TF: variants seen among roughly 807,000 people sequenced by gnomAD.
TF encodes transferrin.
TF carries 55 observed loss-of-function variants against 82.4 expected under a neutral mutation model. That is an observed-to-expected ratio of 0.67 (90% confidence interval 0.54 to 0.84). The LOEUF (loss-of-function observed/expected upper bound fraction) is 0.84. Among genes scored for constraint, TF ranks in the 40% least tolerant of loss-of-function variants. The pLI, the probability that TF is intolerant of heterozygous loss-of-function variation, is 0.00. For synonymous variants in TF, 332 were observed against 332.6 expected (o/e 1.00, Z 0.02); for missense variants, 737 against 868.4 (o/e 0.85, Z 1.90).
the TF span, among the ~76,000 whole-genome samples, chr3:133,664,202 C>T: frequency 1.3e-5 from 2 of 152,302 alleles, no homozygotes; most frequent in East Asian, 3.9e-4. Context: ...AACAGCAGTC[C>T]TTCAGGAAAG....
At chr3:133,689,215 C>T in the TF span, among the ~76,000 whole-genome samples, 4 of 152,056 alleles carry the variant, frequency 2.6e-5, no homozygotes, top group Non-Finnish European at 1.5e-5. Context: ...CACCTGTAGT[C>T]CCAGCTACTT....
chr3:133,736,784 A>T, the TF span, among the ~76,000 whole-genome samples: 41 of 152,272 alleles, frequency 2.7e-4, no homozygotes, highest in East Asian at 6.9e-3. Flanking sequence ...CTAAATATAT[A>T]TGCACCCAAT....
At chr3:133,738,276 A>C in the TF span, among the ~76,000 whole-genome samples, 2 of 152,212 alleles carry the variant, frequency 1.3e-5, no homozygotes, top group African/African-American at 4.8e-5. Context: ...TTCATGCTAA[A>C]AACTCGCAAT....
the TF span, among the ~76,000 whole-genome samples, chr3:133,720,737 T>C: frequency 6.6e-6 from 1 of 152,114 alleles, no homozygotes; most frequent in African/African-American, 2.4e-5. Context: ...GGCTTTTCTT[T>C]GATGGAAGAT....
At chr3:133,748,776 G>A (rs1661757919) in intron 2 of TF, 192 bp downstream of exon 2, 4 of 717,102 alleles carry the variant, frequency 5.6e-6, no homozygotes, top group African/African-American at 1.8e-5. Context: ...AAGTCAAAAA[G>A]CACATTAACT....
At chr3:133,725,021 G>T in the TF span, among the ~76,000 whole-genome samples, 1 of 152,118 alleles carries the variant, frequency 6.6e-6, no homozygotes, top group Non-Finnish European at 1.5e-5. Flanking sequence ...CTATATCTCT[G>T]TTTTGGTACC....
the TF span, among the ~76,000 whole-genome samples, chr3:133,682,061 G>A: frequency 2.6e-5 from 4 of 152,284 alleles, no homozygotes; most frequent in African/African-American, 7.2e-5. Flanking sequence ...CTGTTCTGCA[G>A]GCTCCATTGG....
the TF span, among the ~76,000 whole-genome samples, chr3:133,672,997 TAAAAC>T: frequency 1.3e-5 from 2 of 152,156 alleles, no homozygotes; most frequent in African/African-American, 4.8e-5. Flanking sequence ...TAATAATATT[TAAAAC>T]AAAACAAAAC....
the TF span, among the ~76,000 whole-genome samples, chr3:133,729,550 G>A: frequency 1.3e-5 from 2 of 152,210 alleles, no homozygotes; most frequent in Admixed American, 6.5e-5. Context: ...GATTTTCCAG[G>A]TGCTGTCTGT....
the TF span, among the ~76,000 whole-genome samples, chr3:133,690,628 A>G: frequency 6.6e-6 from 1 of 152,166 alleles, no homozygotes; most frequent in Non-Finnish European, 1.5e-5. Flanking sequence ...ATGGGAAGAG[A>G]GAGGGAGAGA....
At position 133,757,161 on chromosome 3, in the gene TF, A is replaced by ACT. The variant is rs567868451; in HGVS notation, c.870+154_870+155dup. 46 of 1,099,728 alleles carry ACT rather than the reference A, an allele frequency of 4.2e-5. No homozygotes were observed. In the East Asian group the frequency reaches 6.4e-4, roughly 15 times the overall value. 68.1% of individuals were successfully genotyped at this position (1,099,728 alleles called of 1,614,324 possible). On this transcript the variant is annotated intron_variant, in intron 7 of 16. Coordinates refer to ENST00000402696, the MANE Select transcript of TF (RefSeq NM_001063.4). Reference sequence around the variant, plus strand: ...GTCACTAAGTTCTCTAAAAGCTGGGACTCCCCACAGAGCAGCAGGGAGCCT... The same window carrying ACT: ...GTCACTAAGTTCTCTAAAAGCTGGGACTCTCCCCACAGAGCAGCAGGGAGCCT...
intron 3 of TF, 46 bp from the exon 4 acceptor site, chr3:133,754,449 C>T: frequency 6.3e-7 from 1 of 1,598,792 alleles, no homozygotes; most frequent in Non-Finnish European, 8.6e-7. Flanking sequence ...AGCCATGTTT[C>T]CCTGCACCAG....
At chr3:133,721,451 C>T in the TF span, among the ~76,000 whole-genome samples, 1 of 152,128 alleles carries the variant, frequency 6.6e-6, no homozygotes, top group African/African-American at 2.4e-5. Flanking sequence ...AGAAAAAATA[C>T]TTTGTATGAT....
rs1347064402 is a variant in TF, at chr3:133,783,806, A to T, written c.*5186A>T. 1 of 152,296 alleles carries T rather than the reference A, an allele frequency of 6.6e-6. No individual in the cohort carries two copies. Among genetic ancestry groups the T allele is most frequent in the African/African-American group, 2.4e-5 (1 of 41,464 alleles). The allele number at this position is 152,296 out of a possible 1,614,324, so 9.4% of individuals were successfully genotyped here. A position where few individuals can be genotyped will look rare whatever the true frequency, so the allele number is the denominator to read the frequency against. On this transcript the variant is annotated 3_prime_UTR_variant, in exon 17 of 17. Coordinates refer to ENST00000402696, the MANE Select transcript of TF (RefSeq NM_001063.4). ...GCTGCCCCACCGGGCCCATTTCTTG[A>T]AGCAGCGGCGAACCACTTTTCCTCC...
chr3:133,709,160 A>G, the TF span, among the ~76,000 whole-genome samples: 1 of 152,216 alleles, frequency 6.6e-6, no homozygotes, highest in Non-Finnish European at 1.5e-5. Context: ...GATACTAGAG[A>G]TCTGGACAGA....
the TF span, among the ~76,000 whole-genome samples, chr3:133,732,584 G>A: frequency 1.0e-3 from 153 of 152,260 alleles, 3 homozygotes; most frequent in African/African-American, 1.8e-3. Context: ...TTGCTGCTGC[G>A]CACTGTTTGG....
Position 133,746,407 on chromosome 3 carries a change from G to T in TF, c.-34G>T. The T allele has an allele frequency of 5.7e-6, 9 of 1,586,180 alleles. No homozygotes were observed. The highest frequency in any genetic ancestry group is 6.8e-6 in the Non-Finnish European group (8 of 1,169,832). ...CCGGAGGCTGCACAGAAGCGAGTCC[G>T]ACTGTGCTCGCTGCTCAGCGCCGCA... On this transcript the variant is annotated 5_prime_UTR_variant, in exon 1 of 17. Coordinates refer to ENST00000402696, the MANE Select transcript of TF (RefSeq NM_001063.4).
At chr3:133,666,467 G>A in the TF span, among the ~76,000 whole-genome samples, 44 of 152,104 alleles carry the variant, frequency 2.9e-4, no homozygotes, top group South Asian at 8.6e-3. Context: ...CACCGCACCC[G>A]GCCTTGAATG....
intron 14 of TF, chr3:133,774,962 A>G (rs1934349441): frequency 2.7e-6 from 1 of 367,598 alleles, no homozygotes; most frequent in South Asian, 2.2e-5. Context: ...TCTCATTTAG[A>G]ACTGGAACAA....
Sources: gnomAD v4.1 joint callset for allele counts (sites outside exome capture counted in the v4.1 genomes callset) on GRCh38, gnomAD v4.1.1 for gene constraint, MANE v1.5 for transcripts, NCBI Gene and HGNC (gene_info 2026-07-23, HGNC 2026-07-21) for gene names.